Variants in OR10AG1 observed in about 807,000 individuals in gnomAD.
OR10AG1 encodes the protein olfactory receptor 10AG1.
For missense variants in OR10AG1, 433 were observed against 376.5 expected (o/e 1.15, Z -1.24); for synonymous variants, 147 against 128.6 (o/e 1.14, Z -0.97).
At chr11:55,969,845 GT>G in intron 1 of OR10AG1, 46 bp downstream of exon 1, 1 of 398,118 alleles carries the variant, frequency 2.5e-6, no homozygotes, top group East Asian at 3.6e-5. Flanking sequence ...CCACAAACTT[GT>G]AACTATTCTT....
rs1327540267 is a variant in OR10AG1, at chr11:55,968,067, T to C, written c.457A>G (p.Ile153Val). 7 of 1,614,078 alleles carry C rather than the reference T, an allele frequency of 4.3e-6. No individual in the cohort carries two copies. The South Asian group carries it at 5.5e-5, about 13-fold the overall frequency. Residue 153 changes from isoleucine to valine, a missense_variant, in exon 2 of 2, where the codon ATT (isoleucine) becomes GTT (valine). By Grantham distance (29) the Ile-to-Val change is conservative (BLOSUM62 3). Transcript: ENST00000641071. ...YPLVMNHKVC[I>V]QLIIASWTIT... The stretch of plus-strand genomic sequence containing the variant: ...GTCCAGGAAGCTATTATCAGCTGAA[T>C]GCAGACTTTGTGGTTCATCACTAGA...
rs957395242 is a variant in OR10AG1, at chr11:55,966,076, C to T, written c.*1482G>A. 1 of 151,884 alleles carries T rather than the reference C, an allele frequency of 6.6e-6. No homozygotes were observed. The highest frequency in any genetic ancestry group is 1.5e-5 in the Non-Finnish European group (1 of 67,972). The allele number at this position is 151,884 out of a possible 1,614,324, so 9.4% of individuals were successfully genotyped here. On this transcript the variant is annotated 3_prime_UTR_variant, in exon 2 of 2. Transcript: ENST00000641071. Reference sequence around the variant, plus strand: ...CATTATCTTGAGAGGCTGTGCATTACTGTAAGGTAAAGATGTACTCCAGTG... The same window carrying T: ...CATTATCTTGAGAGGCTGTGCATTATTGTAAGGTAAAGATGTACTCCAGTG...
At position 55,968,422 on chromosome 11, in the gene OR10AG1, G is replaced by C; in HGVS notation, c.102C>G (p.Leu34=). 1.9e-6 allele frequency: 3 copies of C among 1,578,204 alleles called. No individual in the cohort carries two copies. The highest frequency in any genetic ancestry group is 4.5e-5 in the East Asian group (2 of 44,492). The change falls in exon 2 of 2, where the codon CTC becomes CTG. Residue 34 remains leucine (L), a synonymous_variant. Transcript: ENST00000641071. ...AAAATATACTAAAAAGCATCCAGTG[G>C]AGATTGGGAATATCAGAAAACCCCA... ...VLLGFSDIPN[L]HWMLFSIFLL... is the part of the protein sequence containing the mutation.
chr11:55,967,771 G>C lies in OR10AG1; in HGVS notation c.753C>G (p.Thr251=). The change falls in exon 2 of 2, where the codon ACC becomes ACG. Residue 251 remains threonine, a synonymous_variant. Transcript: ENST00000641071. ...TTACAACTATTAGGTGAGATGAGCA[G>C]GTGGAGAAGGCTTTAGCCTTTCCTC... ...SARGKAKAFS[T]CSSHLIVVIL... The C allele has an allele frequency of 6.2e-7, 1 of 1,613,824 alleles. No homozygotes were observed. Among genetic ancestry groups the C allele is most frequent in the East Asian group, 2.2e-5 (1 of 44,870 alleles).
chr11:55,967,993 CA>C lies in OR10AG1; in HGVS notation c.530del (p.Leu177CysfsTer29), dbSNP rs759322854. On this transcript the variant is annotated frameshift_variant, in exon 2 of 2. Transcript: ENST00000641071. LOFTEE classifies it low-confidence loss of function (END_TRUNC). Reference protein sequence around the residue: ...VIGETCQIFLLPFCGTNTINH... With the variant: ...VIGETCQIFLXPFCGTNTINH... ...TAATTGTGTTAGTTCCGCAAAAGGG[CA>C]AAAGGAAAATTTGGCATGTTTCCCC... 3 of 1,613,988 alleles carry C rather than the reference CA, an allele frequency of 1.9e-6. No homozygotes were observed. In the Admixed American group the frequency reaches 5.0e-5, roughly 27 times the overall value.
chr11:55,968,151 G>A lies in OR10AG1; in HGVS notation c.373C>T (p.Leu125Phe), dbSNP rs538216655. ...CGGTCATAGGCCATCACTGTCAGAA[G>A]GAGACACTCCGTGCCTCCAAGCATA... is the stretch of plus-strand genomic sequence containing the variant. ...FLMLGGTECL[L>F]LTVMAYDRYV... The change falls in exon 2 of 2, where the codon CTT becomes TTT. Residue 125 changes from leucine to phenylalanine, a missense_variant. Transcript: ENST00000641071. The A allele has an allele frequency of 6.2e-7, 1 of 1,613,852 alleles. No individual in the cohort carries two copies. The highest frequency in any genetic ancestry group is 1.1e-5 in the South Asian group (1 of 91,068).
At position 55,966,781 on chromosome 11, in the gene OR10AG1, T is replaced by C. The variant is rs536043624; in HGVS notation, c.*777A>G. ...TAATAACACTTGTCGTTGGACTTCA[T>C]GTGCAACCTAAATCATGGTACTTTC... On this transcript the variant is annotated 3_prime_UTR_variant, in exon 2 of 2. Coordinates refer to ENST00000641071, the MANE Select transcript of OR10AG1 (RefSeq NM_001005491.2). 2.6e-5 allele frequency: 4 copies of C among 152,272 alleles called. No individual in the cohort carries two copies. The highest frequency in any genetic ancestry group is 3.9e-4 in the East Asian group (2 of 5,182). The allele number at this position is 152,272 out of a possible 1,614,324, so 9.4% of individuals were successfully genotyped here.
In OR10AG1 at chr11:55,966,491, C is replaced by CA. The variant is rs1852689899; in HGVS notation, c.*1066dup. The CA allele has an allele frequency of 6.6e-6, 1 of 151,978 alleles. No individual in the cohort carries two copies. The highest frequency in any genetic ancestry group is 2.4e-5 in the African/African-American group (1 of 41,322). The allele number at this position is 151,978 out of a possible 1,614,324, so 9.4% of individuals were successfully genotyped here. A position where few individuals can be genotyped will look rare whatever the true frequency, so the allele number is the denominator to read the frequency against. ...CCTGGTTTATCTTAACAACTTACTG[C>CA]AAATTGGGTGGCTTAAGGCAATAGC... is the stretch of plus-strand genomic sequence containing the variant. On this transcript the variant is annotated 3_prime_UTR_variant, in exon 2 of 2. Coordinates refer to ENST00000641071, the MANE Select transcript of OR10AG1 (RefSeq NM_001005491.2).
Position 55,968,424 on chromosome 11 carries a change from G to A in OR10AG1, c.100C>T (p.Leu34Phe). The change falls in exon 2 of 2, where the codon CTC (leucine) becomes TTC (phenylalanine). Residue 34 changes from leucine (L) to phenylalanine (F), a missense_variant. Transcript: ENST00000641071. ...VLLGFSDIPN[L>F]HWMLFSIFLL... The stretch of plus-strand genomic sequence containing the variant: ...AATATACTAAAAAGCATCCAGTGGA[G>A]ATTGGGAATATCAGAAAACCCCAAA... 1 of 1,573,920 alleles carries A rather than the reference G, an allele frequency of 6.4e-7. No individual in the cohort carries two copies. The highest frequency in any genetic ancestry group is 8.6e-7 in the Non-Finnish European group (1 of 1,161,080).
chr11:55,967,809 A>G lies in OR10AG1; in HGVS notation c.715T>C (p.Leu239=). The G allele has an allele frequency of 1.2e-6, 2 of 1,614,084 alleles. No individual in the cohort carries two copies. Among genetic ancestry groups the G allele is most frequent in the Non-Finnish European group, 8.5e-7 (1 of 1,179,990 alleles). Residue 239 remains leucine (L), a synonymous_variant, in exon 2 of 2, where the codon TTG becomes CTG. Coordinates refer to ENST00000641071, the MANE Select transcript of OR10AG1 (RefSeq NM_001005491.2). Reference sequence around the variant, plus strand: ...TTAGCCTTTCCTCTGGCTGATGACAATTTCAAAATGTTGGAGATAATTTTG... The same window carrying G: ...TTAGCCTTTCCTCTGGCTGATGACAGTTTCAAAATGTTGGAGATAATTTTG... The part of the protein sequence containing the change: ...YGKIISNILK[L]SSARGKAKAF...
At position 55,967,656 on chromosome 11, in the gene OR10AG1, T is replaced by C. The variant is rs1318840213; in HGVS notation, c.868A>G (p.Thr290Ala). 2 of 1,612,900 alleles carry C rather than the reference T, an allele frequency of 1.2e-6. No homozygotes were observed. The highest frequency in any genetic ancestry group is 2.7e-5 in the African/African-American group (2 of 74,768). The change falls in exon 2 of 2, where the codon ACC becomes GCC. Residue 290 changes from threonine (T) to alanine (A), a missense_variant. Coordinates refer to ENST00000641071, the MANE Select transcript of OR10AG1 (RefSeq NM_001005491.2). ...GGATTCAAAGTTGGAATCAGAATGG[T>C]GTAGAAAAGAGAAATCAGTTTCCCC... ...RMGKLISLFY[T>A]ILIPTLNPII... is the part of the protein sequence containing the mutation.
intron 1 of OR10AG1, among the ~76,000 whole-genome samples, chr11:55,969,014 C>T (rs1290051215): frequency 6.6e-6 from 1 of 152,018 alleles, no homozygotes; most frequent in Non-Finnish European, 1.5e-5. Context: ...AGACTAAATA[C>T]ATGCATTATT....
chr11:55,967,314 T>C lies in OR10AG1; in HGVS notation c.*244A>G. 1 of 374,542 alleles carries C rather than the reference T, an allele frequency of 2.7e-6. No individual in the cohort carries two copies. Among genetic ancestry groups the C allele is most frequent in the Non-Finnish European group, 4.8e-6 (1 of 209,078 alleles). The allele number at this position is 374,542 out of a possible 1,614,324, so 23.2% of individuals were successfully genotyped here. A position where few individuals can be genotyped will look rare whatever the true frequency, so the allele number is the denominator to read the frequency against. On this transcript the variant is annotated 3_prime_UTR_variant, in exon 2 of 2. Transcript: ENST00000641071. ...TTCATTTTATTGCTCAGGTGGTCTC[T>C]TAATCAACAGTTAACCATTGATCTT...
In OR10AG1 at chr11:55,968,233, C is replaced by G; in HGVS notation, c.291G>C (p.Trp97Cys). The G allele has an allele frequency of 6.2e-7, 1 of 1,613,880 alleles. No homozygotes were observed. Among genetic ancestry groups the G allele is most frequent in the Admixed American group, 1.7e-5 (1 of 60,016 alleles). Reference protein sequence around the residue: ...IIIPRMLMDIWTQKGNISLFA... With the variant: ...IIIPRMLMDICTQKGNISLFA... ...ACAAAGAAATATTTCCTTTCTGAGT[C>G]CAAATGTCCATGAGCATTCTTGGGA... The change falls in exon 2 of 2, where the codon TGG (tryptophan) becomes TGC (cysteine). Residue 97 changes from tryptophan (W) to cysteine (C), a missense_variant. Trp to Cys is a radical substitution (Grantham distance 215, BLOSUM62 -2). Transcript: ENST00000641071.
In OR10AG1 at chr11:55,965,915, G is replaced by A. The variant is rs1852683841; in HGVS notation, c.*1643C>T. ...TATGCAAACATCCCATTCCTAATAT[G>A]CACATGTAAAATGCTATATGAAATT... On this transcript the variant is annotated 3_prime_UTR_variant, in exon 2 of 2. Coordinates refer to ENST00000641071, the MANE Select transcript of OR10AG1 (RefSeq NM_001005491.2). 6.6e-6 allele frequency: 1 copy of A among 151,918 alleles called. No homozygotes were observed. The highest frequency in any genetic ancestry group is 2.4e-5 in the African/African-American group (1 of 41,308). The allele number at this position is 151,918 out of a possible 1,614,324, so 9.4% of individuals were successfully genotyped here. A position where few individuals can be genotyped will look rare whatever the true frequency, so the allele number is the denominator to read the frequency against.
chr11:55,968,036 G>T lies in OR10AG1; in HGVS notation c.488C>A (p.Thr163Lys). 1 of 1,614,022 alleles carries T rather than the reference G, an allele frequency of 6.2e-7. No homozygotes were observed. The highest frequency in any genetic ancestry group is 8.5e-7 in the Non-Finnish European group (1 of 1,179,964). The change falls in exon 2 of 2, where the codon ACA becomes AAA. Residue 163 changes from threonine to lysine, a missense_variant. By Grantham distance (78) the Thr-to-Lys change is moderately conservative. Transcript: ENST00000641071. ...IQLIIASWTITIPVVIGETCQ... is the reference protein window; with the variant it reads ...IQLIIASWTIKIPVVIGETCQ... Reference sequence around the variant, plus strand: ...TGTTTCCCCAATTACTACAGGAATTGTGATGGTCCAGGAAGCTATTATCAG... The same window carrying T: ...TGTTTCCCCAATTACTACAGGAATTTTGATGGTCCAGGAAGCTATTATCAG...
rs759271931 is a variant in OR10AG1 at position 55,968,162 on chromosome 11, G to A, written c.362C>T (p.Thr121Met). 18 of 1,613,764 alleles carry A rather than the reference G, an allele frequency of 1.1e-5. No individual in the cohort carries two copies. The highest frequency in any genetic ancestry group is 4.4e-5 in the South Asian group (4 of 91,072). Residue 121 changes from threonine (T) to methionine (M), a missense_variant, in exon 2 of 2, where the codon ACG becomes ATG. Transcript: ENST00000641071. ...QMCFFLMLGG[T>M]ECLLLTVMAY... Reference sequence around the variant, plus strand: ...CATCACTGTCAGAAGGAGACACTCCGTGCCTCCAAGCATAAGAAAAAAACA... The same window carrying A: ...CATCACTGTCAGAAGGAGACACTCCATGCCTCCAAGCATAAGAAAAAAACA...
At position 55,967,770 on chromosome 11, in the gene OR10AG1, A is replaced by C; in HGVS notation, c.754T>G (p.Cys252Gly). The change falls in exon 2 of 2, where the codon TGC (cysteine) becomes GGC (glycine). Residue 252 changes from cysteine (C) to glycine (G), a missense_variant. Cys to Gly is a radical substitution (Grantham distance 159). Coordinates refer to ENST00000641071, the MANE Select transcript of OR10AG1 (RefSeq NM_001005491.2). ...ARGKAKAFST[C>G]SSHLIVVILF... Reference sequence around the variant, plus strand: ...ATTACAACTATTAGGTGAGATGAGCAGGTGGAGAAGGCTTTAGCCTTTCCT... The same window carrying C: ...ATTACAACTATTAGGTGAGATGAGCCGGTGGAGAAGGCTTTAGCCTTTCCT... 1 of 1,613,854 alleles carries C rather than the reference A, an allele frequency of 6.2e-7. No homozygotes were observed. The highest frequency in any genetic ancestry group is 2.2e-5 in the East Asian group (1 of 44,874).
At chr11:55,968,852 T>C (rs985292006) in intron 1 of OR10AG1, among the ~76,000 whole-genome samples, 4 of 152,112 alleles carry the variant, frequency 2.6e-5, no homozygotes, top group Non-Finnish European at 4.4e-5. Context: ...GAATATCATT[T>C]TTCTTTGTAT....
Sources: gnomAD v4.1 joint callset for allele counts (sites outside exome capture counted in the v4.1 genomes callset) on GRCh38, gnomAD v4.1.1 for gene constraint, MANE v1.5 for transcripts, NCBI Gene and HGNC (gene_info 2026-07-23, HGNC 2026-07-21) for gene names.